R3HDM1: variants seen among roughly 807,000 people sequenced by gnomAD.
R3HDM1 encodes R3H domain containing 1, also known as R3H domain-containing protein 1.
A neutral mutation model predicts 141.1 loss-of-function variants in R3HDM1; 46 were observed. The observed-to-expected ratio is 0.33, with a 90% CI of 0.26 to 0.42. The LOEUF is 0.42. Ranked by LOEUF, R3HDM1 falls within the 10% of genes least tolerant of loss-of-function variation. The probability of loss-of-function intolerance (pLI) is 1.00; values close to 1 mark genes in which losing one functional copy is unlikely to be tolerated. For missense variants in R3HDM1, 1,184 were observed against 1,368.3 expected (o/e 0.87, Z 2.12); for synonymous variants, 435 against 472.9 (o/e 0.92, Z 1.04).
intron 2 of R3HDM1, 66 bp downstream of exon 2, chr2:135,602,774 A>C (rs1359831729): frequency 7.5e-7 from 1 of 1,332,910 alleles, no homozygotes; most frequent in East Asian, 2.7e-5. Context: ...AAAAAGCAAG[A>C]AGCCAGTGTC....
rs977098962 is a variant in R3HDM1 at position 135,724,380 on chromosome 2, A to T, written c.*88A>T. 5 of 1,008,872 alleles carry T rather than the reference A, an allele frequency of 5.0e-6. No individual in the cohort carries two copies. The highest frequency in any genetic ancestry group is 2.3e-5 in the Admixed American group (1 of 42,602). 62.5% of individuals were successfully genotyped at this position (1,008,872 alleles called of 1,614,324 possible). A position where few individuals can be genotyped will look rare whatever the true frequency, so the allele number is the denominator to read the frequency against. On this transcript the variant is annotated 3_prime_UTR_variant, in exon 27 of 27. Coordinates refer to ENST00000683871, the MANE Select transcript of R3HDM1 (RefSeq NM_001378107.1). ...GGTATTTGGAGCTTCTGTTAACATT[A>T]TAGAGACTCCTAGGATGTGTGTTCA...
intron 1 of R3HDM1, among the ~76,000 whole-genome samples, chr2:135,574,509 G>T (rs1248070964): frequency 6.6e-6 from 1 of 152,150 alleles, no homozygotes; most frequent in Non-Finnish European, 1.5e-5. Context: ...ATATAGTATT[G>T]ATACTTAAAC....
At chr2:135,556,126 T>C (rs749448657) in intron 1 of R3HDM1, among the ~76,000 whole-genome samples, 3 of 152,154 alleles carry the variant, frequency 2.0e-5, no homozygotes, top group Non-Finnish European at 2.9e-5. Context: ...CAAAGGACCA[T>C]GTACTGTATG....
At position 135,641,788 on chromosome 2, in the gene R3HDM1, C is replaced by T. The variant is rs140890871; in HGVS notation, c.1472C>T (p.Thr491Ile). The change falls in exon 15 of 27, where the codon ACA becomes ATA. Residue 491 changes from threonine to isoleucine, a missense_variant and splice_region_variant. Around this residue, in one of 5 missense-constraint regions of R3HDM1, gnomAD observed 563 missense variants for 562.0 expected, o/e 1.00. Coordinates refer to ENST00000683871, the MANE Select transcript of R3HDM1 (RefSeq NM_001378107.1). ...GGCAGTATTCTGATCAACCCACAAA[C>T]AGGTTGGTATCCAGAAAAAGGTGTT... ...PPGSILINPQ[T>I]GQPFINPDGS... 6.2e-7 allele frequency: 1 copy of T among 1,607,154 alleles called. No homozygotes were observed. Among genetic ancestry groups the T allele is most frequent in the African/African-American group, 1.3e-5 (1 of 74,546 alleles).
intron 24 of R3HDM1, among the ~76,000 whole-genome samples, chr2:135,716,959 A>AC (rs1553640293): frequency 9.0e-5 from 2 of 22,240 alleles, no homozygotes; most frequent in Non-Finnish European, 1.9e-4. Flanking sequence ...CTCAAAACAA[A>AC]AAACAAACAA....
Position 135,602,588 on chromosome 2 carries a change from G to A in R3HDM1, c.-161G>A, listed in dbSNP as rs554758909. 8.4e-6 allele frequency: 13 copies of A among 1,540,572 alleles called. No individual in the cohort carries two copies. The African/African-American group carries it at 1.5e-4, about 18-fold the overall frequency. On this transcript the variant is annotated 5_prime_UTR_variant, in exon 2 of 27. Coordinates refer to ENST00000683871, the MANE Select transcript of R3HDM1 (RefSeq NM_001378107.1). ...GTGACAAGGACATGGGACTCCTCCT[G>A]CCAGATTACAGATGGTTCACTACAG...
chr2:135,661,132 G>T, intron 18 of R3HDM1, 138 bp from the exon 19 acceptor site: 2 of 1,109,590 alleles, frequency 1.8e-6, no homozygotes, highest in Non-Finnish European at 2.5e-6. Context: ...TTAAATTTCA[G>T]TTAAATTTAA....
rs1320075648 is a variant in R3HDM1, at chr2:135,638,986, C to T, written c.1083C>T (p.Ser361=). ...ELKYSEPRPW[S]STDSDSSLRN... ...AGTACTCGGAACCACGACCCTGGAG[C>T]AGCACAGATTCAGACAGCTCTCTTC... is the stretch of plus-strand genomic sequence containing the variant. Residue 361 remains serine, a synonymous_variant, in exon 14 of 27, where the codon AGC becomes AGT. Coordinates refer to ENST00000683871, the MANE Select transcript of R3HDM1 (RefSeq NM_001378107.1). The T allele has an allele frequency of 1.9e-6, 3 of 1,614,028 alleles. No individual in the cohort carries two copies.
At chr2:135,595,023 T>A (rs1272907815) in intron 1 of R3HDM1, among the ~76,000 whole-genome samples, 1 of 149,352 alleles carries the variant, frequency 6.7e-6, no homozygotes, top group South Asian at 2.3e-4. Context: ...TTCATTAACA[T>A]TGATAACTCA....
chr2:135,555,703 T>G (rs1700623599), intron 1 of R3HDM1, among the ~76,000 whole-genome samples: 2 of 152,246 alleles, frequency 1.3e-5, no homozygotes, highest in South Asian at 4.1e-4. Context: ...AAATGTAATA[T>G]CCATGCAGTA....
chr2:135,696,371 G>C (rs2073247147), intron 21 of R3HDM1, among the ~76,000 whole-genome samples: 2 of 152,232 alleles, frequency 1.3e-5, no homozygotes, highest in South Asian at 4.1e-4. Context: ...ACTACAAAGG[G>C]GCACAAGGCA....
intron 19 of R3HDM1, among the ~76,000 whole-genome samples, chr2:135,672,388 T>C (rs1464577846): frequency 6.6e-6 from 1 of 152,226 alleles, no homozygotes; most frequent in African/African-American, 2.4e-5. Flanking sequence ...CTATTCCCCA[T>C]TAAAACATAT....
At chr2:135,560,823 G>C (rs1701667623) in intron 1 of R3HDM1, among the ~76,000 whole-genome samples, 2 of 152,180 alleles carry the variant, frequency 1.3e-5, no homozygotes, top group African/African-American at 4.8e-5. Context: ...AGGAGAGACT[G>C]TCGTGGAGGC....
At chr2:135,566,010 A>C (rs899894705) in intron 1 of R3HDM1, 1 of 152,200 alleles carries the variant, frequency 6.6e-6, no homozygotes, top group African/African-American at 2.4e-5. Flanking sequence ...GGAGTGCTAG[A>C]AGCAAGGAGC....
intron 7 of R3HDM1, among the ~76,000 whole-genome samples, chr2:135,624,717 T>C (rs2061835084): frequency 6.6e-6 from 1 of 152,208 alleles, no homozygotes. Context: ...TAATGAGATT[T>C]GTGTTTTGGA....
intron 21 of R3HDM1, among the ~76,000 whole-genome samples, chr2:135,705,224 G>T (rs1242078848): frequency 1.3e-5 from 2 of 152,196 alleles, no homozygotes; most frequent in African/African-American, 4.8e-5. Flanking sequence ...ATCATAGTTT[G>T]GTAAGGCAAG....
intron 7 of R3HDM1, among the ~76,000 whole-genome samples, chr2:135,626,771 A>G (rs531530560): frequency 4.0e-4 from 61 of 152,304 alleles, no homozygotes; most frequent in African/African-American, 1.4e-3. Context: ...CATTGCCCCA[A>G]AAGAAACCCC....
intron 1 of R3HDM1, among the ~76,000 whole-genome samples, chr2:135,593,317 G>A (rs1000716413): frequency 5.9e-5 from 9 of 152,044 alleles, no homozygotes; most frequent in Non-Finnish European, 1.3e-4. Flanking sequence ...ACATACATGG[G>A]GAGCTCTCAG....
chr2:135,665,600 G>C (rs533068022), intron 19 of R3HDM1: 1 of 274,330 alleles, frequency 3.6e-6, no homozygotes, highest in Non-Finnish European at 8.1e-6. Flanking sequence ...ATCATACTCA[G>C]AAATAGGGAT....
Sources: allele counts gnomAD v4.1 joint callset (sites outside exome capture counted in the v4.1 genomes callset), GRCh38; gene constraint gnomAD v4.1.1; regional missense constraint gnomAD v4.1.1; transcripts MANE v1.5; gene names NCBI Gene and HGNC (gene_info 2026-07-23, HGNC 2026-07-21).